Variants in OLFM3 observed in about 807,000 individuals in gnomAD.
OLFM3 encodes the protein olfactomedin 3, also known as noelin-3.
Under a neutral mutation model 48.6 loss-of-function variants are expected in OLFM3, and 20 were observed. That is an observed-to-expected ratio of 0.41 (90% CI 0.29 to 0.60). The LOEUF (loss-of-function observed/expected upper bound fraction) is 0.60. OLFM3 is among the 20% of genes least tolerant of loss of function. The probability of loss-of-function intolerance (pLI) is 0.28; values close to 1 mark genes in which losing one functional copy is unlikely to be tolerated. For missense variants in OLFM3, 437 were observed against 544.3 expected (o/e 0.80, Z 1.96); for synonymous variants, 222 against 198.1 (o/e 1.12, Z -1.01).
At chr1:101,810,273 T>C (rs1024047210) in intron 4 of OLFM3, among the ~76,000 whole-genome samples, 7 of 151,876 alleles carry the variant, frequency 4.6e-5, no homozygotes, top group Middle Eastern at 3.2e-3. Flanking sequence ...GTTATCTAAA[T>C]CCTCATCTTG....
chr1:101,977,153 G>T (rs1660978610), intron 1 of OLFM3, among the ~76,000 whole-genome samples: 1 of 152,092 alleles, frequency 6.6e-6, no homozygotes, highest in Admixed American at 6.6e-5. Flanking sequence ...TAAAATGGAA[G>T]AGTATAAAAG....
intron 1 of OLFM3, among the ~76,000 whole-genome samples, chr1:101,928,727 T>C (rs1659353889): frequency 6.6e-6 from 1 of 152,166 alleles, no homozygotes; most frequent in African/African-American, 2.4e-5. Context: ...AGACCTACTA[T>C]GTGTTTGGCA....
intron 1 of OLFM3, among the ~76,000 whole-genome samples, chr1:101,858,285 G>T (rs2100958619): frequency 6.6e-6 from 1 of 152,112 alleles, no homozygotes; most frequent in African/African-American, 2.4e-5. Flanking sequence ...TGAGGAGCAA[G>T]GTCTGTTTCA....
At chr1:101,917,345 A>G (rs1658960223) in intron 1 of OLFM3, among the ~76,000 whole-genome samples, 2 of 152,220 alleles carry the variant, frequency 1.3e-5, no homozygotes, top group African/African-American at 4.8e-5. Context: ...TTTTAAATAG[A>G]CAAATTGTTG....
chr1:101,955,367 A>G (rs975929115), intron 1 of OLFM3, among the ~76,000 whole-genome samples: 1 of 152,000 alleles, frequency 6.6e-6, no homozygotes, highest in Non-Finnish European at 1.5e-5. Flanking sequence ...TCTTTGTAAA[A>G]GTAAGAATTT....
intron 1 of OLFM3, among the ~76,000 whole-genome samples, chr1:101,869,434 A>AT (rs1369877775): frequency 1.3e-5 from 2 of 152,082 alleles, no homozygotes; most frequent in African/African-American, 4.8e-5. Flanking sequence ...CTGTACCTCC[A>AT]TTTTATCTAG....
At chr1:101,922,856 A>G (rs1465009160) in intron 1 of OLFM3, among the ~76,000 whole-genome samples, 1 of 152,228 alleles carries the variant, frequency 6.6e-6, no homozygotes, top group Non-Finnish European at 1.5e-5. Flanking sequence ...GTGAAATTAA[A>G]TGGAAGTAAT....
chr1:101,832,719 GTAA>G lies in OLFM3; in HGVS notation c.217-1895_217-1893del, dbSNP rs568864923. On this transcript the variant is annotated intron_variant, in intron 2 of 5. Transcript: ENST00000370103. ...GTAAAATTATCTTGGGTTTGTAATA[GTAA>G]TAATAAGTATTTAGAATTTTAAGGA... Among the ~76,000 whole-genome samples the G allele has an allele frequency of 1.1e-3, 174 of 152,298 alleles. 1 individual carries two copies. The highest frequency in any genetic ancestry group is 0.011 in the Admixed American group (166 of 15,294).
chr1:101,887,257 A>T (rs1369209230), intron 1 of OLFM3, among the ~76,000 whole-genome samples: 1 of 151,928 alleles, frequency 6.6e-6, no homozygotes, highest in African/African-American at 2.4e-5. Flanking sequence ...GGCAGAAAGC[A>T]TAATAAACAG....
chr1:101,813,471 A>T (rs1654171882), intron 4 of OLFM3, among the ~76,000 whole-genome samples: 1 of 152,188 alleles, frequency 6.6e-6, no homozygotes. Context: ...TAAAAAAATC[A>T]AATATAGTTA....
At chr1:101,946,205 G>A (rs1029636846) in intron 1 of OLFM3, among the ~76,000 whole-genome samples, 1 of 145,220 alleles carries the variant, frequency 6.9e-6, no homozygotes, top group African/African-American at 2.6e-5. Context: ...TCTCTAATCA[G>A]AATCCAATTT....
chr1:101,879,295 TGA>T, intron 1 of OLFM3, among the ~76,000 whole-genome samples: 1 of 152,028 alleles, frequency 6.6e-6, no homozygotes, highest in South Asian at 2.1e-4. Flanking sequence ...CAGTATAGTT[TGA>T]ATGTTGAACT....
intron 1 of OLFM3, among the ~76,000 whole-genome samples, chr1:101,862,315 T>C (rs540113599): frequency 1.1e-4 from 17 of 152,326 alleles, no homozygotes; most frequent in African/African-American, 3.8e-4. Context: ...GAGAACAAAG[T>C]GTCTCAGTGT....
intron 4 of OLFM3, among the ~76,000 whole-genome samples, chr1:101,815,530 G>A (rs1654294580): frequency 6.6e-6 from 1 of 151,836 alleles, no homozygotes; most frequent in South Asian, 2.1e-4. Flanking sequence ...GAGAAAAGTA[G>A]ATGGACTTGG....
chr1:101,806,922 G>A (rs989358114), intron 4 of OLFM3, among the ~76,000 whole-genome samples: 1 of 151,704 alleles, frequency 6.6e-6, no homozygotes, highest in Non-Finnish European at 1.5e-5. Flanking sequence ...CAGCCCACCT[G>A]TGAATAAGAT....
At chr1:101,921,145 T>C (rs1193446641) in intron 1 of OLFM3, among the ~76,000 whole-genome samples, 2 of 151,906 alleles carry the variant, frequency 1.3e-5, no homozygotes, top group East Asian at 3.9e-4. Flanking sequence ...GGTAATCTCT[T>C]AATTAGATAT....
chr1:101,842,774 C>T (rs549103205), intron 1 of OLFM3, among the ~76,000 whole-genome samples: 9 of 152,122 alleles, frequency 5.9e-5, no homozygotes, highest in Non-Finnish European at 8.8e-5. Context: ...GGGCATGAGC[C>T]GAACTCCTCT....
chr1:101,885,898 A>T (rs1393099942), intron 1 of OLFM3, among the ~76,000 whole-genome samples: 1 of 152,094 alleles, frequency 6.6e-6, no homozygotes, highest in Non-Finnish European at 1.5e-5. Flanking sequence ...GGGAATCAAA[A>T]GTTATACATG....
At chr1:101,965,496 A>G (rs1275441895) in intron 1 of OLFM3, among the ~76,000 whole-genome samples, 1 of 152,196 alleles carries the variant, frequency 6.6e-6, no homozygotes, top group Non-Finnish European at 1.5e-5. Context: ...GTGTAAAATT[A>G]GCTATCCAGA....
Sources: allele counts gnomAD v4.1 joint callset (sites outside exome capture counted in the v4.1 genomes callset), GRCh38; gene constraint gnomAD v4.1.1; transcripts MANE v1.5; gene names NCBI Gene and HGNC (gene_info 2026-07-23, HGNC 2026-07-21).